The following LSAMP variants were observed in gnomAD, a reference collection of about 807,000 sequenced individuals.
LSAMP encodes limbic system-associated membrane protein.
A neutral mutation model predicts 38.6 loss-of-function variants in LSAMP; 7 were observed. The ratio of observed to expected loss-of-function variants is 0.18; its 90% CI spans 0.10 to 0.34. The LOEUF (loss-of-function observed/expected upper bound fraction) is 0.34. Ranked by LOEUF, LSAMP falls within the 10% of genes least tolerant of loss-of-function variation. LSAMP has a pLI of 1.00. For missense variants in LSAMP, 313 were observed against 420.0 expected (o/e 0.75, Z 2.23); for synonymous variants, 154 against 166.8 (o/e 0.92, Z 0.59).
At chr3:115,967,851 G>A (rs1418248339) in intron 3 of LSAMP, among the ~76,000 whole-genome samples, 2 of 152,188 alleles carry the variant, frequency 1.3e-5, no homozygotes, top group South Asian at 4.1e-4. Flanking sequence ...ATCTCCCACT[G>A]GATTCCTCCC....
chr3:116,440,004 A>C (rs1193541276), intron 1 of LSAMP, among the ~76,000 whole-genome samples: 1 of 152,228 alleles, frequency 6.6e-6, no homozygotes, highest in Non-Finnish European at 1.5e-5. Context: ...TACAGGCGTG[A>C]GCCACCGCAC....
At chr3:116,031,465 G>A (rs1037995282) in intron 2 of LSAMP, among the ~76,000 whole-genome samples, 2 of 141,670 alleles carry the variant, frequency 1.4e-5, no homozygotes, top group African/African-American at 5.1e-5. Context: ...TCAGAAATGT[G>A]TAGAGATAAC....
At chr3:116,026,495 C>T (rs1378410788) in intron 2 of LSAMP, among the ~76,000 whole-genome samples, 2 of 152,154 alleles carry the variant, frequency 1.3e-5, no homozygotes, top group Non-Finnish European at 2.9e-5. Context: ...ATCCATGCCT[C>T]TTTCTTCTGG....
intron 2 of LSAMP, among the ~76,000 whole-genome samples, chr3:116,082,671 T>C (rs1002187643): frequency 2.0e-5 from 3 of 152,052 alleles, no homozygotes; most frequent in Non-Finnish European, 4.4e-5. Context: ...ATAAAGAAAA[T>C]GTGGTATATA....
Position 115,826,572 on chromosome 3 carries a change from G to T in LSAMP, c.919+15273C>A, listed in dbSNP as rs375869065. Among the ~76,000 whole-genome samples, 5 of 152,262 alleles carry T rather than the reference G, an allele frequency of 3.3e-5. No homozygotes were observed. The East Asian group carries it at 7.7e-4, about 23-fold the overall frequency. ...CATTAAGTACTTCTCCATTTGGTCT[G>T]TAAACCCTCTTAGTGCAGAGGCTGT... On this transcript the variant is annotated intron_variant, in intron 6 of 6. Coordinates refer to ENST00000490035, the MANE Select transcript of LSAMP (RefSeq NM_002338.5).
intron 1 of LSAMP, among the ~76,000 whole-genome samples, chr3:116,390,132 TACACACACACAC>T (rs10661312): frequency 6.8e-6 from 1 of 147,258 alleles, no homozygotes; most frequent in South Asian, 2.2e-4. Context: ...TATGTATGTA[TACACACACACAC>T]ACACACACAC....
At chr3:116,327,761 C>G (rs2047793422) in intron 1 of LSAMP, among the ~76,000 whole-genome samples, 2 of 152,008 alleles carry the variant, frequency 1.3e-5, no homozygotes, top group African/African-American at 4.8e-5. Context: ...ATTCATTTGG[C>G]AACAGGATGT....
At chr3:116,318,386 G>A (rs912773250) in intron 1 of LSAMP, among the ~76,000 whole-genome samples, 15 of 152,094 alleles carry the variant, frequency 9.9e-5, no homozygotes, top group Non-Finnish European at 1.9e-4. Flanking sequence ...AGGAGAAAAG[G>A]GTTGGGCACA....
At chr3:116,241,642 G>A (rs1032844045) in intron 1 of LSAMP, among the ~76,000 whole-genome samples, 1 of 152,044 alleles carries the variant, frequency 6.6e-6, no homozygotes, top group Admixed American at 6.6e-5. Flanking sequence ...ATAAACTTCT[G>A]CCCATCAAAA....
chr3:116,041,512 G>T (rs891922371), intron 2 of LSAMP, among the ~76,000 whole-genome samples: 8 of 151,606 alleles, frequency 5.3e-5, no homozygotes, highest in African/African-American at 1.9e-4. Flanking sequence ...TGATTGAACT[G>T]AGTGTCCCTG....
At chr3:116,113,856 G>GT (rs1708685529) in intron 1 of LSAMP, among the ~76,000 whole-genome samples, 3 of 152,198 alleles carry the variant, frequency 2.0e-5, no homozygotes, top group South Asian at 2.1e-4. Flanking sequence ...ATATGAGACT[G>GT]TTTTTTCTGA....
Position 116,016,894 on chromosome 3 carries a change from A to G in LSAMP, c.514+2621T>C, listed in dbSNP as rs146556298. Among the ~76,000 whole-genome samples the G allele has an allele frequency of 3.4e-3, 525 of 152,256 alleles. 3 individuals carry two copies. The highest frequency in any genetic ancestry group is 0.012 in the African/African-American group (501 of 41,548). ...AAATGGAGCAGACTAAATTTGATAC[A>G]TAGGCTGTGGTTTGCTGACCTCTGT... On this transcript the variant is annotated intron_variant, in intron 3 of 6. Coordinates refer to ENST00000490035, the MANE Select transcript of LSAMP (RefSeq NM_002338.5).
chr3:115,911,060 C>G (rs1407594258), intron 3 of LSAMP, among the ~76,000 whole-genome samples: 2 of 152,120 alleles, frequency 1.3e-5, no homozygotes, highest in Admixed American at 6.5e-5. Context: ...ATGCATGTAA[C>G]AAAATATCAC....
At chr3:116,035,581 C>T (rs1388168397) in intron 2 of LSAMP, among the ~76,000 whole-genome samples, 1 of 152,158 alleles carries the variant, frequency 6.6e-6, no homozygotes, top group Non-Finnish European at 1.5e-5. Context: ...TACACATTCT[C>T]CTAATTGATG....
At chr3:116,052,820 T>G (rs1941420720) in intron 2 of LSAMP, among the ~76,000 whole-genome samples, 1 of 152,190 alleles carries the variant, frequency 6.6e-6, no homozygotes, top group African/African-American at 2.4e-5. Context: ...TCTCATTGCT[T>G]AGTTGGACGG....
intron 2 of LSAMP, among the ~76,000 whole-genome samples, chr3:116,039,807 T>C (rs1216809666): frequency 6.6e-6 from 1 of 152,148 alleles, no homozygotes; most frequent in African/African-American, 2.4e-5. Context: ...TTGGCTGCAA[T>C]ACGAATGGCA....
chr3:116,314,909 AAAC>A (rs2047607937), intron 1 of LSAMP, among the ~76,000 whole-genome samples: 2 of 152,308 alleles, frequency 1.3e-5, no homozygotes, highest in South Asian at 4.1e-4. Flanking sequence ...TTTGTTTAAT[AAAC>A]AATGATAATG....
intron 1 of LSAMP, among the ~76,000 whole-genome samples, chr3:116,247,034 A>C (rs1241674050): frequency 6.6e-6 from 1 of 152,148 alleles, no homozygotes; most frequent in African/African-American, 2.4e-5. Flanking sequence ...GGAGATGGAT[A>C]TGTGATTAGA....
chr3:115,906,363 T>C (rs1937008397), intron 3 of LSAMP, among the ~76,000 whole-genome samples: 1 of 152,136 alleles, frequency 6.6e-6, no homozygotes, highest in Non-Finnish European at 1.5e-5. Context: ...ATGTAAGTCC[T>C]GGGAAAAATA....
Sources: gnomAD v4.1 joint callset for allele counts (sites outside exome capture counted in the v4.1 genomes callset) on GRCh38, gnomAD v4.1.1 for gene constraint, MANE v1.5 for transcripts, NCBI Gene and HGNC (gene_info 2026-07-23, HGNC 2026-07-21) for gene names.